The following CCNJL variants were observed in gnomAD, a reference collection of about 807,000 sequenced individuals.
CCNJL encodes cyclin J like.
In CCNJL, 33 loss-of-function variants were observed where a neutral mutation model predicts 33.4. That is an observed-to-expected ratio of 0.99 (90% CI 0.75 to 1.32). CCNJL has a LOEUF of 1.32. Ranked by LOEUF, CCNJL falls within the 40% of genes most tolerant of loss-of-function variation. CCNJL has a pLI of 0.00. For missense variants in CCNJL, 512 were observed against 499.7 expected, an observed-to-expected ratio of 1.02 and a Z score of -0.23; for synonymous variants, 227 against 220.9, an observed-to-expected ratio of 1.03 and a Z score of -0.24.
intron 1 of CCNJL, among the ~76,000 whole-genome samples, chr5:160,325,914 T>C (rs1302263129): frequency 6.6e-6 from 1 of 152,170 alleles, no homozygotes; most frequent in Non-Finnish European, 1.5e-5. Flanking sequence ...GTGGATGCTT[T>C]CCTTTTACTG....
At chr5:160,309,356 G>A (rs779740525) in intron 2 of CCNJL, among the ~76,000 whole-genome samples, 1 of 152,162 alleles carries the variant, frequency 6.6e-6, no homozygotes, top group Non-Finnish European at 1.5e-5. Context: ...GGCTCCCAAC[G>A]TCTCAGTGAT....
At chr5:160,254,024 T>C (rs559299648) in intron 5 of CCNJL, 3 of 475,182 alleles carry the variant, frequency 6.3e-6, no homozygotes, top group Non-Finnish European at 1.1e-5. Flanking sequence ...AAATTTCTTC[T>C]GGCCCCTCCA....
rs375194471 is a variant in CCNJL, at chr5:160,295,394, CAGG to C, written c.67-14659_67-14657del. ...GTCCCAGCTACTCGGGAGGCTGAGG[CAGG>C]AGATCTCTTGAACCCGGGCACTGGA... is the stretch of plus-strand genomic sequence containing the variant. On this transcript the variant is annotated intron_variant, in intron 2 of 5. Coordinates refer to ENST00000257536, the MANE Select transcript of CCNJL (RefSeq NM_001308173.3). 1.4e-3 allele frequency among the ~76,000 whole-genome samples: 219 copies of C among 152,234 alleles called. 1 individual carries two copies. The highest frequency in any genetic ancestry group is 4.9e-3 in the African/African-American group (202 of 41,538).
chr5:160,254,558 G>A, intron 5 of CCNJL: 1 of 429,966 alleles, frequency 2.3e-6, no homozygotes, highest in Non-Finnish European at 4.1e-6. Flanking sequence ...ATCGGGGAGG[G>A]CTCTCTTCAG....
rs559163235 is a variant in CCNJL, at chr5:160,252,625, G to A, written c.*753C>T. 1 of 152,732 alleles carries A rather than the reference G, an allele frequency of 6.5e-6. No homozygotes were observed. The highest frequency in any genetic ancestry group is 2.4e-5 in the African/African-American group (1 of 41,564). 9.5% of individuals were successfully genotyped at this position (152,732 alleles called of 1,614,324 possible). On this transcript the variant is annotated 3_prime_UTR_variant, in exon 6 of 6. Coordinates refer to ENST00000257536, the MANE Select transcript of CCNJL (RefSeq NM_001308173.3). The stretch of plus-strand genomic sequence containing the variant: ...CATCACAAGTTGGGTTCAAACTTGG[G>A]TTCCAAATTAACAGCCCTCATGTGG...
chr5:160,250,588 A>ACT lies in CCNJL; in HGVS notation c.*2789_*2790insAG, dbSNP rs1370928204. 1.3e-5 allele frequency: 2 copies of ACT among 152,252 alleles called. No individual in the cohort carries two copies. Among genetic ancestry groups the ACT allele is most frequent in the Admixed American group, 6.5e-5 (1 of 15,288 alleles). The allele number at this position is 152,252 out of a possible 1,614,324, so 9.4% of individuals were successfully genotyped here. ...CTGGGTAGGTAGAGGGCAAGACAGAAGTCTTGAGTGAGACTCCCTTCAAGG... is the reference window on the plus strand; with the variant it reads ...CTGGGTAGGTAGAGGGCAAGACAGAACTGTCTTGAGTGAGACTCCCTTCAAGG... On this transcript the variant is annotated 3_prime_UTR_variant, in exon 6 of 6. Coordinates refer to ENST00000257536, the MANE Select transcript of CCNJL (RefSeq NM_001308173.3).
intron 1 of CCNJL, among the ~76,000 whole-genome samples, chr5:160,321,522 G>A (rs752157621): frequency 6.6e-6 from 1 of 152,230 alleles, no homozygotes; most frequent in Non-Finnish European, 1.5e-5. Context: ...CAAGGATTAC[G>A]GTCGCAGCCG....
chr5:160,260,287 T>C (rs1363997555), intron 3 of CCNJL, among the ~76,000 whole-genome samples: 3 of 152,116 alleles, frequency 2.0e-5, no homozygotes, highest in African/African-American at 7.3e-5. Flanking sequence ...ATCCTGGCTA[T>C]TGAGTTCAAA....
intron 1 of CCNJL, among the ~76,000 whole-genome samples, chr5:160,319,930 T>TAATAAATA (rs373569217): frequency 5.9e-5 from 9 of 151,372 alleles, no homozygotes; most frequent in Non-Finnish European, 8.8e-5. Flanking sequence ...AATAAATAAA[T>TAATAAATA]AATAAATAAA....
rs551807246 is a variant in CCNJL at position 160,256,242 on chromosome 5, C to T, written c.584-534G>A. ...AACAGTGTTTTCAAAATACTGTCCA[C>T]GGCTCCCAGGGAGCAGCAAGGAGCT... On this transcript the variant is annotated intron_variant, in intron 4 of 5. Coordinates refer to ENST00000257536, the MANE Select transcript of CCNJL (RefSeq NM_001308173.3). 3.3e-5 allele frequency among the ~76,000 whole-genome samples: 5 copies of T among 152,268 alleles called. No homozygotes were observed. The South Asian group carries it at 1.0e-3, about 32-fold the overall frequency.
intron 1 of CCNJL, among the ~76,000 whole-genome samples, chr5:160,331,460 G>A (rs996224156): frequency 2.0e-5 from 3 of 151,284 alleles, no homozygotes; most frequent in Non-Finnish European, 3.0e-5. Context: ...TCCTGACCTC[G>A]TGATCCGCCT....
chr5:160,299,071 C>T (rs977598985), intron 2 of CCNJL, among the ~76,000 whole-genome samples: 1 of 152,066 alleles, frequency 6.6e-6, no homozygotes, highest in African/African-American at 2.4e-5. Flanking sequence ...CTGGACCTCC[C>T]GTGCTCAAGC....
chr5:160,265,677 T>C (rs891538694), intron 3 of CCNJL, among the ~76,000 whole-genome samples: 7 of 150,338 alleles, frequency 4.7e-5, no homozygotes, highest in Admixed American at 2.0e-4. Context: ...GCCAACATGG[T>C]GAAACCCTGT....
chr5:160,324,631 A>G (rs77031860), intron 1 of CCNJL, among the ~76,000 whole-genome samples: 6 of 104,814 alleles, frequency 5.7e-5, no homozygotes, highest in African/African-American at 3.2e-4. Context: ...CTGTCTGTCT[A>G]TCTATCTATC....
chr5:160,299,559 T>C (rs929238671), intron 2 of CCNJL, among the ~76,000 whole-genome samples: 1 of 152,052 alleles, frequency 6.6e-6, no homozygotes. Context: ...ACAGAAGATA[T>C]TAATGAATTA....
At chr5:160,268,457 A>G (rs952233776) in intron 3 of CCNJL, among the ~76,000 whole-genome samples, 1 of 152,268 alleles carries the variant, frequency 6.6e-6, no homozygotes, top group Non-Finnish European at 1.5e-5. Context: ...TAGTGTGCTT[A>G]GAACAGCACC....
At chr5:160,258,916 C>T (rs1363309605) in intron 4 of CCNJL, among the ~76,000 whole-genome samples, 13 of 152,164 alleles carry the variant, frequency 8.5e-5, no homozygotes, top group African/African-American at 2.4e-4. Flanking sequence ...AGGATGGTCC[C>T]GATCTCCTGA....
intron 3 of CCNJL, among the ~76,000 whole-genome samples, chr5:160,272,119 G>C (rs541502198): frequency 8.9e-4 from 135 of 152,328 alleles, no homozygotes; most frequent in African/African-American, 3.1e-3. Flanking sequence ...AACTTCTCCA[G>C]GCTAGGAAGC....
chr5:160,275,497 T>C (rs1304847650), intron 3 of CCNJL, among the ~76,000 whole-genome samples: 1 of 152,062 alleles, frequency 6.6e-6, no homozygotes, highest in Admixed American at 6.5e-5. Flanking sequence ...TGTGTTTGTT[T>C]GTTTTGAGAT....
Sources: gnomAD v4.1 joint callset for allele counts (sites outside exome capture counted in the v4.1 genomes callset) on GRCh38, gnomAD v4.1.1 for gene constraint, MANE v1.5 for transcripts, NCBI Gene and HGNC (gene_info 2026-07-23, HGNC 2026-07-21) for gene names.